The following PTPRF variants were observed in gnomAD, a reference collection of about 807,000 sequenced individuals.
PTPRF encodes receptor-type tyrosine-protein phosphatase F.
Under a neutral mutation model 201.8 loss-of-function variants are expected in PTPRF, and 59 were observed. That is an observed-to-expected ratio of 0.29 (90% CI 0.24 to 0.36). PTPRF has a LOEUF of 0.36. PTPRF is among the 10% of genes least tolerant of loss of function. The pLI is 1.00. For synonymous variants in PTPRF, 1,088 were observed against 1,089.7 expected (o/e 1.00, Z 0.03); for missense variants, 2,132 against 2,690.5 (o/e 0.79, Z 4.59).
Position 43,620,937 on chromosome 1 carries a change from G to T in PTPRF, c.5464G>T (p.Val1822Leu). 1 of 1,614,202 alleles carries T rather than the reference G, an allele frequency of 6.2e-7. No homozygotes were observed. The highest frequency in any genetic ancestry group is 8.5e-7 in the Non-Finnish European group (1 of 1,180,010). The stretch of plus-strand genomic sequence containing the variant: ...GGGATTCATTGACTTCATCGGGCAG[G>T]TGCATAAGACCAAGGAGCAGTTTGG... ...GEGFIDFIGQ[V>L]HKTKEQFGQD... The change falls in exon 32 of 34, where the codon GTG (valine) becomes TTG (leucine). Residue 1822 changes from valine to leucine, a missense_variant. Val to Leu is a conservative substitution (Grantham distance 32, BLOSUM62 1). Coordinates refer to ENST00000359947, the MANE Select transcript of PTPRF (RefSeq NM_002840.5).
intron 5 of PTPRF, among the ~76,000 whole-genome samples, chr1:43,568,932 C>A (rs1261694526): frequency 2.6e-5 from 4 of 152,186 alleles, no homozygotes; most frequent in Admixed American, 2.6e-4. Flanking sequence ...CAGCCCTGAC[C>A]GTGACTCCCA....
intron 1 of PTPRF, among the ~76,000 whole-genome samples, chr1:43,531,836 G>C (rs1045742801): frequency 2.0e-5 from 3 of 152,142 alleles, no homozygotes; most frequent in Admixed American, 6.5e-5. Context: ...CCCGCGTCCC[G>C]TCCCGTCCCG....
intron 22 of PTPRF, among the ~76,000 whole-genome samples, chr1:43,610,309 A>G (rs897034559): frequency 2.6e-5 from 4 of 152,258 alleles, no homozygotes; most frequent in African/African-American, 9.6e-5. Context: ...GAACTAATGC[A>G]TACACACAGG....
upstream of PTPRF, chr1:43,530,757 A>AGCGGCTCC (rs1447476563): frequency 6.5e-6 from 1 of 152,906 alleles, no homozygotes; most frequent in African/African-American, 2.4e-5. The surrounding 1 kb of genome is among the most constrained non-coding windows in gnomAD (Gnocchi z 4.1). Flanking sequence ...TCTGGGCCTC[A>AGCGGCTCC]GCGGCTCCGC....
Position 43,553,585 on chromosome 1 carries a change from C to T in PTPRF, c.185C>T (p.Pro62Leu), listed in dbSNP as rs374024117. The change falls in exon 4 of 34, where the codon CCG becomes CTG. Residue 62 changes from proline to leucine, a missense_variant. By Grantham distance (98) the Pro-to-Leu change is moderately conservative (BLOSUM62 -3). Coordinates refer to ENST00000359947, the MANE Select transcript of PTPRF (RefSeq NM_002840.5). This position sits in a 1 kb window ranked among gnomAD's most constrained non-coding sequence, Gnocchi z 4.1. ...TGCCAAGCTACAGGAGAACCCAAGC[C>T]GCGCATCACATGGATGAAGAAGGGG... The part of the protein sequence containing the change: ...FVCQATGEPK[P>L]RITWMKKGKK... 4 of 1,614,042 alleles carry T rather than the reference C, an allele frequency of 2.5e-6. No individual in the cohort carries two copies. The highest frequency in any genetic ancestry group is 3.4e-6 in the Non-Finnish European group (4 of 1,180,044).
Position 43,603,770 on chromosome 1 carries a change from A to G in PTPRF, c.2618A>G (p.Asp873Gly), listed in dbSNP as rs374488420. The G allele has an allele frequency of 2.5e-6, 4 of 1,614,044 alleles. No homozygotes were observed. Among genetic ancestry groups the G allele is most frequent in the Non-Finnish European group, 3.4e-6 (4 of 1,180,028 alleles). ...CCCAACACCATAGATTTCGGCAAGG[A>G]TGACCAGCACTTCACAGTCACCGGC... Reference protein sequence around the residue: ...ARPNTIDFGKDDQHFTVTGLH... With the variant: ...ARPNTIDFGKGDQHFTVTGLH... The change falls in exon 16 of 34, where the codon GAT becomes GGT. Residue 873 changes from aspartate (D) to glycine (G), a missense_variant. This residue lies in a region of PTPRF where 818 missense variants were observed against 915.3 expected (regional missense o/e 0.89). Coordinates refer to ENST00000359947, the MANE Select transcript of PTPRF (RefSeq NM_002840.5). This position sits in a 1 kb window ranked among gnomAD's most constrained non-coding sequence, Gnocchi z 5.8.
At chr1:43,592,853 C>G (rs775920568) in intron 11 of PTPRF, among the ~76,000 whole-genome samples, 4 of 152,144 alleles carry the variant, frequency 2.6e-5, no homozygotes, top group Non-Finnish European at 2.9e-5. Context: ...CGCCCATGCC[C>G]CACACACTGC....
intron 5 of PTPRF, among the ~76,000 whole-genome samples, chr1:43,568,409 C>T (rs1375413429): frequency 6.6e-6 from 1 of 152,184 alleles, no homozygotes; most frequent in Non-Finnish European, 1.5e-5. Flanking sequence ...CCTGTCTGCC[C>T]CAGTGGCTCA....
At chr1:43,600,260 G>C (rs984468283) in intron 13 of PTPRF, among the ~76,000 whole-genome samples, 1 of 152,266 alleles carries the variant, frequency 6.6e-6, no homozygotes, top group East Asian at 1.9e-4. Context: ...CCTCCTCTCT[G>C]AGGGGGCCAG....
chr1:43,592,633 A>G, intron 11 of PTPRF, 32 bp downstream of exon 11: 2 of 1,547,950 alleles, frequency 1.3e-6, no homozygotes, highest in Non-Finnish European at 8.7e-7. Flanking sequence ...TGCCTGTTAC[A>G]CCTGGGCTGG....
intron 14 of PTPRF, among the ~76,000 whole-genome samples, chr1:43,602,926 T>C (rs1416289732): frequency 6.6e-6 from 1 of 152,198 alleles, no homozygotes; most frequent in African/African-American, 2.4e-5. Context: ...AGCGGAGTCC[T>C]GACTGGGTCC....
chr1:43,553,579 C>A lies in PTPRF; in HGVS notation c.179C>A (p.Pro60His), dbSNP rs770909342. The change falls in exon 4 of 34, where the codon CCC becomes CAC. Residue 60 changes from proline to histidine, a missense_variant. Coordinates refer to ENST00000359947, the MANE Select transcript of PTPRF (RefSeq NM_002840.5). This position sits in a 1 kb window ranked among gnomAD's most constrained non-coding sequence, Gnocchi z 4.1. ...ASFVCQATGE[P>H]KPRITWMKKG... Reference sequence around the variant, plus strand: ...TTCGTGTGCCAAGCTACAGGAGAACCCAAGCCGCGCATCACATGGATGAAG... The same window carrying A: ...TTCGTGTGCCAAGCTACAGGAGAACACAAGCCGCGCATCACATGGATGAAG... 6.2e-7 allele frequency: 1 copy of A among 1,614,174 alleles called. No individual in the cohort carries two copies. Among genetic ancestry groups the A allele is most frequent in the Non-Finnish European group, 8.5e-7 (1 of 1,180,044 alleles).
intron 5 of PTPRF, among the ~76,000 whole-genome samples, chr1:43,557,030 C>T (rs887303310): frequency 1.3e-5 from 2 of 152,238 alleles, no homozygotes; most frequent in African/African-American, 4.8e-5. Flanking sequence ...GACCTGGGGG[C>T]AAGTATTTCA....
intron 5 of PTPRF, among the ~76,000 whole-genome samples, chr1:43,563,367 T>G (rs920573058): frequency 6.6e-6 from 1 of 152,048 alleles, no homozygotes; most frequent in Non-Finnish European, 1.5e-5. Context: ...AGAAATCTGT[T>G]GAGCCAGGTG....
In PTPRF at chr1:43,621,085, G is replaced by A. The variant is rs753444962; in HGVS notation, c.5520-12G>A. The A allele has an allele frequency of 6.2e-7, 1 of 1,613,492 alleles. No homozygotes were observed. Among genetic ancestry groups the A allele is most frequent in the South Asian group, 1.1e-5 (1 of 91,062 alleles). On this transcript the variant is annotated splice_polypyrimidine_tract_variant and intron_variant, in intron 32 of 33. Transcript: ENST00000359947. ...CAAGCAGGACTCCTGACCCAACTGT[G>A]TTTCTGAGCAGTGCTGGCGTGGGCC...
chr1:43,553,531 G>C lies in PTPRF; in HGVS notation c.131G>C (p.Gly44Ala). 15 of 1,614,074 alleles carry C rather than the reference G, an allele frequency of 9.3e-6. No individual in the cohort carries two copies. The highest frequency in any genetic ancestry group is 1.3e-5 in the Non-Finnish European group (15 of 1,179,946). The change falls in exon 4 of 34, where the codon GGG becomes GCG. Residue 44 changes from glycine (G) to alanine (A), a missense_variant. By Grantham distance (60) the Gly-to-Ala change is moderately conservative (BLOSUM62 0). Around this residue, in one of 6 missense-constraint regions of PTPRF, gnomAD observed 297 missense variants for 454.0 expected, o/e 0.65. Transcript: ENST00000359947. This position sits in a 1 kb window ranked among gnomAD's most constrained non-coding sequence, Gnocchi z 4.1. ...VFIKVPEDQT[G>A]LSGGVASFVC... ...ATTAAAGTCCCTGAGGACCAGACTG[G>C]GCTGTCAGGAGGGGTAGCCTCCTTC...
upstream of PTPRF, among the ~76,000 whole-genome samples, chr1:43,523,217 G>A (rs993214010): frequency 6.6e-6 from 1 of 152,138 alleles, no homozygotes; most frequent in Non-Finnish European, 1.5e-5. Context: ...TGGGGCTGAG[G>A]TGCCCTTGGG....
chr1:43,609,278 G>A, intron 21 of PTPRF, 105 bp from the exon 22 acceptor site: 1 of 858,562 alleles, frequency 1.2e-6, no homozygotes, highest in Non-Finnish European at 1.9e-6. Context: ...GGCAGTAGGA[G>A]GACAGAGCCG....
intron 19 of PTPRF, 89 bp downstream of exon 19, chr1:43,605,711 C>G (rs976323941): frequency 1.6e-6 from 2 of 1,224,978 alleles, no homozygotes; most frequent in African/African-American, 3.0e-5. Context: ...CAGTGACTCT[C>G]AGATTCACTC....
Sources: allele counts gnomAD v4.1 joint callset (sites outside exome capture counted in the v4.1 genomes callset), GRCh38; gene constraint gnomAD v4.1.1; regional missense constraint gnomAD v4.1.1; non-coding constraint Gnocchi (gnomAD v3.1); transcripts MANE v1.5; gene names NCBI Gene and HGNC (gene_info 2026-07-23, HGNC 2026-07-21).